The following GRIK1 variants were observed in gnomAD, a reference collection of about 807,000 sequenced individuals.
The protein encoded by GRIK1 is glutamate receptor ionotropic, kainate 1.
A neutral mutation model predicts 105.7 loss-of-function variants in GRIK1; 69 were observed. The ratio of observed to expected loss-of-function variants is 0.65; its 90% CI spans 0.54 to 0.80. GRIK1 has a LOEUF of 0.80. Among genes scored for constraint, GRIK1 ranks in the 30% least tolerant of loss-of-function variants. GRIK1 has a pLI of 0.00. For synonymous variants in GRIK1, 438 were observed against 431.3 expected (o/e 1.02, Z -0.19); for missense variants, 1,109 against 1,167.3 (o/e 0.95, Z 0.73).
At chr21:29,911,718 A>T (rs887047298) in intron 1 of GRIK1, among the ~76,000 whole-genome samples, 2 of 151,496 alleles carry the variant, frequency 1.3e-5, no homozygotes, top group African/African-American at 4.9e-5. Context: ...GCCCCAGAGA[A>T]CTCCCTCCCT....
intron 5 of GRIK1, among the ~76,000 whole-genome samples, chr21:29,652,192 A>C (rs1423282276): frequency 6.6e-6 from 1 of 152,184 alleles, no homozygotes; most frequent in Non-Finnish European, 1.5e-5. Context: ...TGAGGTTCTG[A>C]GTGGTGATGT....
At chr21:29,577,341 A>G (rs1470748290) in intron 13 of GRIK1, among the ~76,000 whole-genome samples, 160 bp from the exon 14 acceptor site, 3 of 152,244 alleles carry the variant, frequency 2.0e-5, no homozygotes, top group Non-Finnish European at 2.9e-5. Context: ...CAAAATCTTA[A>G]GGATTATTTT....
At chr21:29,537,756 G>A (rs1230881498) in intron 17 of GRIK1, 42 bp downstream of exon 17, 1 of 893,776 alleles carries the variant, frequency 1.1e-6, no homozygotes, top group Middle Eastern at 2.1e-4. Context: ...GGATTATCAA[G>A]GCATACGGAC....
chr21:29,707,450 C>CCCTTCCTTCCTTCCTTCCTTCCTTCCTT (rs1555875923), intron 1 of GRIK1, among the ~76,000 whole-genome samples: 2 of 71,578 alleles, frequency 2.8e-5, no homozygotes, highest in Admixed American at 1.7e-4. Context: ...CTCCCTCCCT[C>CCCTTCCTTCCTTCCTTCCTTCCTTCCTT]CCTCCCTCCC....
intron 16 of GRIK1, among the ~76,000 whole-genome samples, chr21:29,539,696 T>G (rs992943054): frequency 1.3e-5 from 2 of 152,216 alleles, no homozygotes; most frequent in African/African-American, 4.8e-5. Flanking sequence ...GAAATTTATT[T>G]CAATGGAAGA....
chr21:29,813,092 G>A (rs1250308947), intron 1 of GRIK1, among the ~76,000 whole-genome samples: 1 of 152,082 alleles, frequency 6.6e-6, no homozygotes, highest in Non-Finnish European at 1.5e-5. Context: ...AGCTCTCTCA[G>A]AGCATGCAAT....
intron 1 of GRIK1, among the ~76,000 whole-genome samples, chr21:29,909,610 TA>T (rs1384879328): frequency 1.3e-5 from 2 of 152,150 alleles, no homozygotes; most frequent in African/African-American, 4.8e-5. Context: ...AGCTTTCATT[TA>T]CATTGTTGAA....
At chr21:29,792,928 G>A (rs1468350652) in intron 1 of GRIK1, among the ~76,000 whole-genome samples, 1 of 152,094 alleles carries the variant, frequency 6.6e-6, no homozygotes, top group East Asian at 1.9e-4. Flanking sequence ...TCAGAATACG[G>A]GAAGAATAAT....
At chr21:29,829,141 A>T (rs2067557441) in intron 1 of GRIK1, among the ~76,000 whole-genome samples, 2 of 152,120 alleles carry the variant, frequency 1.3e-5, no homozygotes, top group African/African-American at 4.8e-5. Flanking sequence ...CATTTCATAG[A>T]AAGTTGTTTC....
At chr21:29,653,312 A>C (rs1389828493) in intron 5 of GRIK1, among the ~76,000 whole-genome samples, 2 of 152,238 alleles carry the variant, frequency 1.3e-5, no homozygotes, top group Non-Finnish European at 2.9e-5. Flanking sequence ...CTAAAATGAC[A>C]TACATTAAAC....
intron 1 of GRIK1, among the ~76,000 whole-genome samples, chr21:29,797,401 A>G (rs1178904848): frequency 6.6e-6 from 1 of 152,178 alleles, no homozygotes; most frequent in African/African-American, 2.4e-5. Flanking sequence ...GCTGCCATGA[A>G]CAGTGATATT....
chr21:29,854,562 G>A (rs534984680), intron 1 of GRIK1, among the ~76,000 whole-genome samples: 2 of 152,098 alleles, frequency 1.3e-5, no homozygotes, highest in South Asian at 2.1e-4. Context: ...GGGGGAATGA[G>A]GTAGACAAAA....
intron 7 of GRIK1, among the ~76,000 whole-genome samples, chr21:29,613,024 G>C (rs1016699033): frequency 3.3e-5 from 5 of 152,152 alleles, no homozygotes; most frequent in African/African-American, 1.2e-4. Flanking sequence ...TGAGTAGCTG[G>C]GTGCCTCTTT....
Position 29,835,821 on chromosome 21 carries a change from G to T in GRIK1, c.118+103562C>A, listed in dbSNP as rs573561946. Among the ~76,000 whole-genome samples, 61 of 151,878 alleles carry T rather than the reference G, an allele frequency of 4.0e-4. 1 individual carries two copies. The highest frequency in any genetic ancestry group is 1.1e-3 in the Admixed American group (16 of 15,234). ...TTTTAACTTATTAACTCATTTTGTCGTTGCTTTATAAAAGCTAAGTCCAGA... is the reference window on the plus strand; with the variant it reads ...TTTTAACTTATTAACTCATTTTGTCTTTGCTTTATAAAAGCTAAGTCCAGA... On this transcript the variant is annotated intron_variant, in intron 1 of 17. Transcript: ENST00000327783.
chr21:29,752,535 A>G (rs2065231945), intron 1 of GRIK1, among the ~76,000 whole-genome samples: 3 of 152,164 alleles, frequency 2.0e-5, no homozygotes, highest in African/African-American at 7.2e-5. Flanking sequence ...AAATTCAAAG[A>G]AAAAATATGG....
chr21:29,937,360 C>G (rs1017906646), intron 1 of GRIK1, among the ~76,000 whole-genome samples: 4 of 152,212 alleles, frequency 2.6e-5, no homozygotes, highest in African/African-American at 9.7e-5. Context: ...ATAAACAACA[C>G]CAGGCCATGC....
chr21:29,714,444 ATGAGGGTTAC>A, intron 1 of GRIK1, among the ~76,000 whole-genome samples: 1 of 152,346 alleles, frequency 6.6e-6, no homozygotes, highest in East Asian at 1.9e-4. Flanking sequence ...CTGGTTAGCA[ATGAGGGTTAC>A]TGACCTGGGA....
At chr21:29,570,718 C>T (rs896423127) in intron 14 of GRIK1, among the ~76,000 whole-genome samples, 1 of 152,122 alleles carries the variant, frequency 6.6e-6, no homozygotes. Context: ...GCCTGAGACC[C>T]TTTGACCAAA....
intron 1 of GRIK1, among the ~76,000 whole-genome samples, chr21:29,781,455 A>C (rs538380196): frequency 5.3e-5 from 8 of 152,168 alleles, no homozygotes; most frequent in African/African-American, 1.9e-4. Flanking sequence ...TGTGTATGCC[A>C]TTGTATTTCC....
Sources: allele counts gnomAD v4.1 joint callset (sites outside exome capture counted in the v4.1 genomes callset), GRCh38; gene constraint gnomAD v4.1.1; transcripts MANE v1.5; gene names NCBI Gene and HGNC (gene_info 2026-07-23, HGNC 2026-07-21).